The following C19orf47 variants were observed in gnomAD, a reference collection of about 807,000 sequenced individuals.
C19orf47 encodes the protein uncharacterized protein C19orf47.
In C19orf47, 18 loss-of-function variants were observed where a neutral mutation model predicts 32.3. That is an observed-to-expected ratio of 0.56 (90% CI 0.39 to 0.83). The LOEUF (loss-of-function observed/expected upper bound fraction) is 0.83. Among genes scored for constraint, C19orf47 ranks in the 40% least tolerant of loss-of-function variants. The pLI is 0.00. For missense variants in C19orf47, 484 were observed against 531.6 expected (o/e 0.91, Z 0.88); for synonymous variants, 202 against 211.1 (o/e 0.96, Z 0.37).
rs2078059761 is a variant in C19orf47 at position 40,336,098 on chromosome 19, C to T, written c.222+12G>A. On this transcript the variant is annotated intron_variant, in intron 4 of 8. Transcript: ENST00000683109. ...CAAACCCAGAGACAGAGGGGCTGGG[C>T]ACAGCACCCACCTGACGGTGCACCA... 2 of 1,612,132 alleles carry T rather than the reference C, an allele frequency of 1.2e-6. No individual in the cohort carries two copies. Among genetic ancestry groups the T allele is most frequent in the Admixed American group, 3.3e-5 (2 of 59,972 alleles).
intron 1 of C19orf47, chr19:40,342,143 G>T (rs2078190447): frequency 1.3e-6 from 1 of 770,374 alleles, no homozygotes; most frequent in Admixed American, 6.3e-5. Flanking sequence ...CAAAAGGTTG[G>T]CTGGAAAAGG....
chr19:40,341,395 T>A (rs1432623442), intron 2 of C19orf47, among the ~76,000 whole-genome samples: 1 of 152,038 alleles, frequency 6.6e-6, no homozygotes, highest in Non-Finnish European at 1.5e-5. Context: ...AATGTCAAAA[T>A]TTTTCAAAGC....
the C19orf47 span, among the ~76,000 whole-genome samples, chr19:40,296,360 G>A: frequency 3.3e-5 from 5 of 151,894 alleles, no homozygotes; most frequent in Non-Finnish European, 2.9e-5. Context: ...GGCTCACTGC[G>A]ACCTCTGCCT....
the C19orf47 span, among the ~76,000 whole-genome samples, chr19:40,313,178 T>C: frequency 2.0e-5 from 3 of 152,192 alleles, no homozygotes; most frequent in Admixed American, 6.6e-5. Context: ...ACTCCAAATC[T>C]TCCCTAACAC....
chr19:40,331,141 T>C (rs894801778), intron 5 of C19orf47, among the ~76,000 whole-genome samples: 2 of 152,226 alleles, frequency 1.3e-5, no homozygotes, highest in Admixed American at 6.5e-5. Flanking sequence ...ACAATGACTG[T>C]GGACTTAGCC....
intron 7 of C19orf47, among the ~76,000 whole-genome samples, chr19:40,325,986 A>C (rs1362352804): frequency 6.6e-6 from 1 of 152,180 alleles, no homozygotes; most frequent in African/African-American, 2.4e-5. Flanking sequence ...GCTTTGGACT[A>C]TATCTCCACT....
chr19:40,328,671 A>T (rs2077886990), intron 5 of C19orf47, 121 bp from the exon 6 acceptor site: 1 of 1,325,818 alleles, frequency 7.5e-7, no homozygotes, highest in African/African-American at 1.5e-5. Flanking sequence ...GTCAGCGGGT[A>T]TCACCCTGTA....
chr19:40,318,753 T>C (rs149747366), downstream of C19orf47, among the ~76,000 whole-genome samples: 259 of 152,286 alleles, frequency 1.7e-3, 3 homozygotes, highest in Middle Eastern at 6.8e-3. Context: ...GAAAGGCATC[T>C]ATTACTGCTC....
At chr19:40,333,224 C>T (rs1323797358) in intron 5 of C19orf47, among the ~76,000 whole-genome samples, 1 of 151,482 alleles carries the variant, frequency 6.6e-6, no homozygotes, top group Non-Finnish European at 1.5e-5. Context: ...TGCCACTGTA[C>T]TCCAGCCTGG....
At chr19:40,330,194 TTTTA>T (rs1361169676) in intron 5 of C19orf47, among the ~76,000 whole-genome samples, 18 of 152,038 alleles carry the variant, frequency 1.2e-4, no homozygotes, top group Admixed American at 2.0e-4. Flanking sequence ...CCCCTTCTCT[TTTTA>T]TTTATTTATT....
intron 2 of C19orf47, among the ~76,000 whole-genome samples, chr19:40,340,597 C>T (rs1050972171): frequency 3.3e-5 from 5 of 151,666 alleles, no homozygotes; most frequent in Non-Finnish European, 5.9e-5. Flanking sequence ...AGGAGAATGG[C>T]GTGAACCCGG....
At chr19:40,301,663 T>C in the C19orf47 span, among the ~76,000 whole-genome samples, 2 of 150,828 alleles carry the variant, frequency 1.3e-5, no homozygotes, top group African/African-American at 2.4e-5. Flanking sequence ...CTGGCCAACA[T>C]AGAGAAACCC....
chr19:40,326,141 T>C (rs1050067813), intron 7 of C19orf47, among the ~76,000 whole-genome samples, 193 bp downstream of exon 7: 1 of 152,198 alleles, frequency 6.6e-6, no homozygotes, highest in Non-Finnish European at 1.5e-5. Context: ...CTACACTAAC[T>C]GCAGGATCAG....
chr19:40,317,795 C>T (rs1463564683), downstream of C19orf47, among the ~76,000 whole-genome samples: 1 of 151,294 alleles, frequency 6.6e-6, no homozygotes, highest in Non-Finnish European at 1.5e-5. Flanking sequence ...TCTCTGCTCA[C>T]GGCAACCTCC....
At chr19:40,304,091 G>C in the C19orf47 span, among the ~76,000 whole-genome samples, 4 of 152,070 alleles carry the variant, frequency 2.6e-5, no homozygotes, top group African/African-American at 9.7e-5. Context: ...ACCACCTCCT[G>C]GAATGAGACA....
chr19:40,328,502 C>A lies in C19orf47; in HGVS notation c.350G>T (p.Ser117Ile), dbSNP rs1370826630. ...GGTGTCCGGGCGCCTGGGGGGTGTG[C>A]TGGGTGGAGAGTCATGGTTCAGGCT... ...TNSLNHDSPPSTPPRRPDTST... is the reference protein window; with the variant it reads ...TNSLNHDSPPITPPRRPDTST... Residue 117 changes from serine (S) to isoleucine (I), a missense_variant, in exon 6 of 9, where the codon AGC (serine) becomes ATC (isoleucine). Ser to Ile is a moderately radical substitution (Grantham distance 142, BLOSUM62 -2). This residue lies in a region of C19orf47 where 376 missense variants were observed against 370.2 expected (regional missense o/e 1.02). Coordinates refer to ENST00000683109, the MANE Select transcript of C19orf47 (RefSeq NM_001256441.2). The A allele has an allele frequency of 6.2e-7, 1 of 1,611,344 alleles. No homozygotes were observed. The highest frequency in any genetic ancestry group is 1.7e-5 in the Admixed American group (1 of 59,616).
At chr19:40,338,079 G>C (rs1252801202) in intron 2 of C19orf47, among the ~76,000 whole-genome samples, 1 of 151,792 alleles carries the variant, frequency 6.6e-6, no homozygotes, top group East Asian at 1.9e-4. Flanking sequence ...TGGGTATGGG[G>C]TTTTAATTTT....
intron 1 of C19orf47, among the ~76,000 whole-genome samples, chr19:40,346,924 T>C (rs186164726): frequency 6.6e-6 from 1 of 150,872 alleles, no homozygotes; most frequent in African/African-American, 2.4e-5. Context: ...CGATGTTAAG[T>C]GTGCATCAAA....
At chr19:40,346,147 CT>C (rs534401049) in intron 1 of C19orf47, among the ~76,000 whole-genome samples, 3,824 of 141,536 alleles carry the variant, frequency 0.027, 79 homozygotes, top group Non-Finnish European at 0.043. Flanking sequence ...CAGAGTGAGA[CT>C]CCATCTCAAA....
Sources: allele counts gnomAD v4.1 joint callset (sites outside exome capture counted in the v4.1 genomes callset), GRCh38; gene constraint gnomAD v4.1.1; regional missense constraint gnomAD v4.1.1; transcripts MANE v1.5; gene names NCBI Gene and HGNC (gene_info 2026-07-23, HGNC 2026-07-21).